THRB: variants seen among roughly 807,000 people sequenced by gnomAD.
THRB encodes the protein thyroid hormone receptor beta, also known as nuclear receptor subfamily 1 group A member 2.
Under a neutral mutation model 47.8 loss-of-function variants are expected in THRB, and 12 were observed. The observed-to-expected ratio is 0.25, with a 90% CI of 0.16 to 0.41. The LOEUF (loss-of-function observed/expected upper bound fraction) is 0.41. THRB is among the 10% of genes least tolerant of loss of function. The probability of loss-of-function intolerance (pLI) is 1.00; values close to 1 mark genes in which losing one functional copy is unlikely to be tolerated. For synonymous variants in THRB, 218 were observed against 212.2 expected (o/e 1.03, Z -0.24); for missense variants, 348 against 589.2 (o/e 0.59, Z 4.24).
intron 5 of THRB, among the ~76,000 whole-genome samples, chr3:24,175,250 C>T (rs180804484): frequency 2.6e-5 from 4 of 152,254 alleles, no homozygotes; most frequent in African/African-American, 9.6e-5. Flanking sequence ...TCCAAAATTC[C>T]CAGACACGTT....
intron 5 of THRB, among the ~76,000 whole-genome samples, chr3:24,166,915 G>T (rs1224352064): frequency 1.3e-5 from 2 of 152,080 alleles, no homozygotes; most frequent in African/African-American, 2.4e-5. Flanking sequence ...AGTAAGGAGG[G>T]TATTACAGTC....
At chr3:24,440,363 G>C (rs1471880678) in intron 1 of THRB, among the ~76,000 whole-genome samples, 1 of 152,130 alleles carries the variant, frequency 6.6e-6, no homozygotes, top group African/African-American at 2.4e-5. Context: ...GGGGCTAAGA[G>C]TGGATCCTCA....
intron 1 of THRB, among the ~76,000 whole-genome samples, chr3:24,487,349 C>T (rs901986464): frequency 6.4e-5 from 9 of 141,696 alleles, no homozygotes; most frequent in African/African-American, 2.8e-4. Flanking sequence ...CACAAGCACA[C>T]ACACACACAC....
chr3:24,355,143 T>A (rs1014840796), intron 1 of THRB, among the ~76,000 whole-genome samples: 1 of 152,178 alleles, frequency 6.6e-6, no homozygotes, highest in Non-Finnish European at 1.5e-5. Flanking sequence ...AGTGGCATCA[T>A]GTGCTTCCTG....
At chr3:24,364,132 A>C (rs1442117576) in intron 1 of THRB, among the ~76,000 whole-genome samples, 2 of 152,172 alleles carry the variant, frequency 1.3e-5, no homozygotes, top group Non-Finnish European at 2.9e-5. Flanking sequence ...ATGTTTATTC[A>C]TTTAAGGCTA....
chr3:24,157,250 T>G (rs1221991050), intron 5 of THRB, among the ~76,000 whole-genome samples: 1 of 151,954 alleles, frequency 6.6e-6, no homozygotes, highest in African/African-American at 2.4e-5. Flanking sequence ...GTCTCTTTCT[T>G]TACACTTTGC....
rs180884946 is a variant in THRB at position 24,361,628 on chromosome 3, G to C, written c.-260-24257C>G. On this transcript the variant is annotated intron_variant, in intron 1 of 10. Transcript: ENST00000646209. ...AAAGGAGACCCAAGAAGAAAAACTA[G>C]AACAAGAAATAAAGGTATGAAAGAG... is the stretch of plus-strand genomic sequence containing the variant. 3.3e-5 allele frequency among the ~76,000 whole-genome samples: 5 copies of C among 152,230 alleles called. No homozygotes were observed. In the East Asian group the frequency reaches 9.7e-4, roughly 29 times the overall value.
chr3:24,124,984 C>A (rs1289379048), intron 10 of THRB, among the ~76,000 whole-genome samples: 1 of 152,174 alleles, frequency 6.6e-6, no homozygotes, highest in Non-Finnish European at 1.5e-5. Flanking sequence ...GTCAGCCTCA[C>A]AACATGAGAG....
At chr3:24,479,872 C>T (rs1696105050) in intron 1 of THRB, among the ~76,000 whole-genome samples, 1 of 152,184 alleles carries the variant, frequency 6.6e-6, no homozygotes, top group African/African-American at 2.4e-5. Context: ...GAGGATTACT[C>T]TTGGCTGCCC....
intron 5 of THRB, among the ~76,000 whole-genome samples, chr3:24,167,259 G>T (rs1307645783): frequency 6.6e-6 from 1 of 152,110 alleles, no homozygotes; most frequent in Admixed American, 6.6e-5. Context: ...ACAAGCAAAA[G>T]CATGTTCGTC....
intron 4 of THRB, among the ~76,000 whole-genome samples, chr3:24,201,784 A>T (rs2044625826): frequency 1.3e-5 from 2 of 152,174 alleles, no homozygotes; most frequent in Admixed American, 1.3e-4. Flanking sequence ...TGGTTCATAA[A>T]ATGGAAAAAT....
intron 1 of THRB, among the ~76,000 whole-genome samples, chr3:24,416,322 G>T (rs1335554492): frequency 1.3e-5 from 2 of 151,818 alleles, no homozygotes; most frequent in African/African-American, 4.8e-5. Context: ...GCCAGTAGAA[G>T]CGTTCTCCAG....
At chr3:24,312,177 C>T (rs1210556834) in intron 2 of THRB, among the ~76,000 whole-genome samples, 1 of 152,250 alleles carries the variant, frequency 6.6e-6, no homozygotes, top group Non-Finnish European at 1.5e-5. Context: ...GTTTTCCTGA[C>T]CTCTCAAGTC....
At chr3:24,196,082 T>C (rs1009878476) in intron 4 of THRB, among the ~76,000 whole-genome samples, 1 of 152,194 alleles carries the variant, frequency 6.6e-6, no homozygotes, top group African/African-American at 2.4e-5. Flanking sequence ...GGGTGGGGAA[T>C]GTGGACAGAA....
At chr3:24,132,743 C>G (rs901706950) in intron 9 of THRB, among the ~76,000 whole-genome samples, 5 of 152,140 alleles carry the variant, frequency 3.3e-5, no homozygotes, top group Non-Finnish European at 1.5e-5. Flanking sequence ...TAGGAAAAGA[C>G]GAAAGATTTG....
intron 3 of THRB, among the ~76,000 whole-genome samples, chr3:24,266,496 G>C (rs1266524698): frequency 6.6e-6 from 1 of 152,164 alleles, no homozygotes; most frequent in Non-Finnish European, 1.5e-5. Context: ...AAACACCTTA[G>C]AAAACAGGAG....
intron 10 of THRB, among the ~76,000 whole-genome samples, chr3:24,126,644 AT>A (rs372574504): frequency 2.3e-3 from 333 of 144,520 alleles, no homozygotes; most frequent in African/African-American, 8.1e-3. Flanking sequence ...GCCAAAGCAC[AT>A]CTACACTTGG....
At chr3:24,357,571 A>G (rs1259295448) in intron 1 of THRB, among the ~76,000 whole-genome samples, 8 of 151,832 alleles carry the variant, frequency 5.3e-5, no homozygotes, top group African/African-American at 1.9e-4. Flanking sequence ...ATATATACCT[A>G]TGTATTCTTT....
chr3:24,244,901 C>T (rs2049952025), intron 3 of THRB, among the ~76,000 whole-genome samples: 1 of 152,204 alleles, frequency 6.6e-6, no homozygotes, highest in African/African-American at 2.4e-5. Flanking sequence ...GGGAGCTTAA[C>T]AGCATACCTT....
Sources: allele counts gnomAD v4.1 joint callset (sites outside exome capture counted in the v4.1 genomes callset), GRCh38; gene constraint gnomAD v4.1.1; transcripts MANE v1.5; gene names NCBI Gene and HGNC (gene_info 2026-07-23, HGNC 2026-07-21).